PHACTR1: variants seen among roughly 807,000 people sequenced by gnomAD.
PHACTR1 encodes the protein RPEL repeat containing 1.
A neutral mutation model predicts 69.2 loss-of-function variants in PHACTR1; 16 were observed. The observed-to-expected ratio is 0.23, with a 90% CI of 0.16 to 0.35. PHACTR1 has a LOEUF of 0.35. Ranked by LOEUF, PHACTR1 falls within the 10% of genes least tolerant of loss-of-function variation. The probability of loss-of-function intolerance (pLI) is 1.00; values close to 1 mark genes in which losing one functional copy is unlikely to be tolerated. For synonymous variants in PHACTR1, 312 were observed against 284.5 expected, an observed-to-expected ratio of 1.10 and a Z score of -0.97; for missense variants, 510 against 734.7, an observed-to-expected ratio of 0.69 and a Z score of 3.54.
chr6:13,142,889 T>G (rs1822719808), intron 5 of PHACTR1, among the ~76,000 whole-genome samples: 1 of 152,114 alleles, frequency 6.6e-6, no homozygotes, highest in African/African-American at 2.4e-5. Flanking sequence ...GTATTGGTAA[T>G]TAAAAACCTT....
chr6:13,046,485 G>C (rs1374255177), intron 4 of PHACTR1, among the ~76,000 whole-genome samples: 2 of 152,272 alleles, frequency 1.3e-5, no homozygotes, highest in African/African-American at 4.8e-5. Context: ...AGAAGAGCCT[G>C]AAAGAAGGAA....
chr6:13,107,739 A>G (rs1816396787), intron 5 of PHACTR1, among the ~76,000 whole-genome samples: 1 of 152,132 alleles, frequency 6.6e-6, no homozygotes. Context: ...CATTCCTGAT[A>G]TTCATAATTT....
intron 12 of PHACTR1, chr6:13,281,354 G>A (rs1780151624): frequency 3.0e-6 from 1 of 337,378 alleles, no homozygotes; most frequent in Non-Finnish European, 5.8e-6. Context: ...AGGAGTTCGA[G>A]AGCAGTCTGG....
intron 4 of PHACTR1, among the ~76,000 whole-genome samples, chr6:13,041,641 A>T (rs144770255): frequency 1.6e-4 from 25 of 152,304 alleles, no homozygotes; most frequent in African/African-American, 5.8e-4. Flanking sequence ...ATCATCCTAC[A>T]CTTAATAGGT....
intron 5 of PHACTR1, among the ~76,000 whole-genome samples, chr6:13,083,209 C>T (rs995222955): frequency 6.6e-6 from 1 of 152,114 alleles, no homozygotes; most frequent in African/African-American, 2.4e-5. Flanking sequence ...GGAATCCTTT[C>T]CCCATTTCTT....
chr6:12,878,146 ATATG>A (rs755559554), intron 4 of PHACTR1, among the ~76,000 whole-genome samples: 4 of 152,360 alleles, frequency 2.6e-5, no homozygotes, highest in Non-Finnish European at 5.9e-5. Flanking sequence ...CCTTCGGTGA[ATATG>A]TATTAAACAA....
At chr6:12,757,363 A>G (rs1412344040) in intron 4 of PHACTR1, among the ~76,000 whole-genome samples, 2 of 152,054 alleles carry the variant, frequency 1.3e-5, no homozygotes, top group Non-Finnish European at 2.9e-5. Context: ...AGGAATGGGG[A>G]CTAGAAAAGA....
At chr6:12,728,545 C>T (rs1763088659) in intron 3 of PHACTR1, among the ~76,000 whole-genome samples, 1 of 152,078 alleles carries the variant, frequency 6.6e-6, no homozygotes, top group South Asian at 2.1e-4. Flanking sequence ...GGATGATTTT[C>T]ACTTCCTAGC....
chr6:13,129,492 G>A (rs774164661), intron 5 of PHACTR1, among the ~76,000 whole-genome samples: 2 of 152,032 alleles, frequency 1.3e-5, no homozygotes, highest in African/African-American at 2.4e-5. Context: ...GAAATCAAAA[G>A]TGATCAGGAG....
At chr6:13,106,216 C>T (rs1235101374) in intron 5 of PHACTR1, among the ~76,000 whole-genome samples, 1 of 152,180 alleles carries the variant, frequency 6.6e-6, no homozygotes, top group African/African-American at 2.4e-5. Context: ...TCTATATAAA[C>T]AATCATATTG....
chr6:13,135,559 A>G (rs1821420338), intron 5 of PHACTR1, among the ~76,000 whole-genome samples: 1 of 152,258 alleles, frequency 6.6e-6, no homozygotes, highest in Non-Finnish European at 1.5e-5. Flanking sequence ...CAAGTCAAAG[A>G]AAACCGTTTC....
At chr6:12,832,933 C>T (rs1298730967) in intron 4 of PHACTR1, among the ~76,000 whole-genome samples, 2 of 152,176 alleles carry the variant, frequency 1.3e-5, no homozygotes, top group African/African-American at 2.4e-5. Flanking sequence ...AGATAAGCAA[C>T]CTGCAGCTTT....
intron 4 of PHACTR1, among the ~76,000 whole-genome samples, chr6:12,772,285 T>C (rs769590924): frequency 3.2e-4 from 49 of 152,334 alleles, no homozygotes; most frequent in Non-Finnish European, 5.6e-4. Flanking sequence ...ATATGCAGGT[T>C]CACATATTGA....
chr6:12,722,723 C>T (rs1406964794), intron 3 of PHACTR1, among the ~76,000 whole-genome samples: 1 of 152,216 alleles, frequency 6.6e-6, no homozygotes, highest in Non-Finnish European at 1.5e-5. Context: ...TCAGCTGCCT[C>T]TCTCATGATT....
chr6:12,717,464 T>G (rs1168415787), intron 1 of PHACTR1, 45 bp from the exon 2 acceptor site: 1 of 152,184 alleles, frequency 6.6e-6, no homozygotes, highest in Non-Finnish European at 1.5e-5. Context: ...GATGATTTTC[T>G]GCCAAAGTTT....
chr6:12,937,298 C>T (rs1304685460), intron 4 of PHACTR1, among the ~76,000 whole-genome samples: 2 of 152,058 alleles, frequency 1.3e-5, no homozygotes, highest in African/African-American at 4.8e-5. Context: ...AAAGGAAGGC[C>T]CTTGAAGATA....
At position 13,230,218 on chromosome 6, in the gene PHACTR1, C is replaced by T. The variant is rs765833859; in HGVS notation, c.1391+25C>T. 20 of 1,595,540 alleles carry T rather than the reference C, an allele frequency of 1.3e-5. 1 individual carries two copies. In the South Asian group the frequency reaches 1.5e-4, roughly 12 times the overall value. ...GGTAGGACAGCGGCACCCTCTGCCT[C>T]CCTGGCAGTGGGCCTTTAGCTCTCC... On this transcript the variant is annotated intron_variant, in intron 10 of 14. Transcript: ENST00000332995.
chr6:12,985,539 A>ATATATATATATATAT (rs1298803313), intron 4 of PHACTR1, among the ~76,000 whole-genome samples: 1 of 133,000 alleles, frequency 7.5e-6, no homozygotes, highest in Admixed American at 7.5e-5. Flanking sequence ...AAAAAAAAAA[A>ATATATATATATATAT]AAATATATAT....
At chr6:12,828,709 A>G (rs1156376135) in intron 4 of PHACTR1, among the ~76,000 whole-genome samples, 1 of 152,122 alleles carries the variant, frequency 6.6e-6, no homozygotes, top group Non-Finnish European at 1.5e-5. Context: ...CTTTTGTAAT[A>G]AACAAAAACC....
Sources: gnomAD v4.1 joint callset for allele counts (sites outside exome capture counted in the v4.1 genomes callset) on GRCh38, gnomAD v4.1.1 for gene constraint, MANE v1.5 for transcripts, NCBI Gene and HGNC (gene_info 2026-07-23, HGNC 2026-07-21) for gene names.